The following KIF13A variants were observed in gnomAD, a reference collection of about 807,000 sequenced individuals.
KIF13A encodes the protein kinesin-like protein KIF13A.
KIF13A carries 79 observed loss-of-function variants against 212.2 expected under a neutral mutation model. The observed-to-expected ratio is 0.37, with a 90% CI of 0.31 to 0.45. The LOEUF (loss-of-function observed/expected upper bound fraction) is 0.45. Ranked by LOEUF, KIF13A falls within the 20% of genes least tolerant of loss-of-function variation. The probability of loss-of-function intolerance (pLI) is 1.00; values close to 1 mark genes in which losing one functional copy is unlikely to be tolerated. For synonymous variants in KIF13A, 789 were observed against 808.6 expected (o/e 0.98, Z 0.41); for missense variants, 1,901 against 2,209.0 (o/e 0.86, Z 2.79).
Position 17,886,669 on chromosome 6 carries a change from G to GGA in KIF13A, c.159+11497_159+11498dup, listed in dbSNP as rs1454261372. The stretch of plus-strand genomic sequence containing the variant: ...GAACAAAGTCGGGCAGAAGGAAAGG[G>GGA]GAGAGTAGAACCTGTAGGAATTTCA... On this transcript the variant is annotated intron_variant, in intron 3 of 38. Coordinates refer to ENST00000259711, the MANE Select transcript of KIF13A (RefSeq NM_022113.6). The surrounding 1 kb of genome is among the most constrained non-coding windows in gnomAD (Gnocchi z 5.6). Among the ~76,000 whole-genome samples the GGA allele has an allele frequency of 1.3e-5, 2 of 152,116 alleles. No individual in the cohort carries two copies. The highest frequency in any genetic ancestry group is 4.8e-5 in the African/African-American group (2 of 41,402).
At chr6:17,941,052 T>C (rs1266315261) in intron 2 of KIF13A, among the ~76,000 whole-genome samples, 1 of 152,178 alleles carries the variant, frequency 6.6e-6, no homozygotes, top group East Asian at 1.9e-4. Context: ...CTCGAACTCC[T>C]GACCTCAGGT....
chr6:17,911,023 A>C (rs916743171), intron 2 of KIF13A, among the ~76,000 whole-genome samples: 1 of 152,306 alleles, frequency 6.6e-6, no homozygotes, highest in South Asian at 2.1e-4. Flanking sequence ...TCAGCCTCCC[A>C]AAGTGCTGGG....
intron 4 of KIF13A, among the ~76,000 whole-genome samples, chr6:17,859,636 ATAT>A (rs1382384841): frequency 0.039 from 4,273 of 110,970 alleles, 199 homozygotes; most frequent in African/African-American, 0.14. Flanking sequence ...ATATATATAT[ATAT>A]TTTTTTTTTT....
At chr6:17,803,927 C>T (rs9477529) in intron 20 of KIF13A, among the ~76,000 whole-genome samples, 6,659 of 152,182 alleles carry the variant, frequency 0.044, 498 homozygotes, top group African/African-American at 0.15. Flanking sequence ...CCGAGGCGGG[C>T]GGATCACAAG....
intron 16 of KIF13A, among the ~76,000 whole-genome samples, chr6:17,823,393 T>TTC (rs372974768): frequency 4.7e-4 from 69 of 148,034 alleles, no homozygotes; most frequent in African/African-American, 7.2e-4. Context: ...CTGGCTGTCT[T>TTC]TCTCTCTCTC....
rs59654452 is a variant in KIF13A at position 17,833,497 on chromosome 6, CAA to C, written c.1266+462_1266+463del. On this transcript the variant is annotated intron_variant, in intron 12 of 38. Coordinates refer to ENST00000259711, the MANE Select transcript of KIF13A (RefSeq NM_022113.6). ...GGGTGACAGAGGGAGACCTTGTCTT[CAA>C]AAAAAAAAAAAAAAAAAAAAGTGAT... 5.5e-3 allele frequency among the ~76,000 whole-genome samples: 536 copies of C among 97,930 alleles called. 4 individuals are homozygous for C. Among genetic ancestry groups the C allele is most frequent in the African/African-American group, 0.014 (345 of 23,896 alleles). 64.2% of individuals were successfully genotyped at this position (97,930 alleles called of 152,430 possible).
intron 2 of KIF13A, among the ~76,000 whole-genome samples, chr6:17,908,265 C>T (rs1773707701): frequency 6.6e-6 from 1 of 152,144 alleles, no homozygotes; most frequent in Non-Finnish European, 1.5e-5. Flanking sequence ...AAAAAAATGG[C>T]TTCCTTTCAA....
In KIF13A at chr6:17,919,488, T is replaced by C. The variant is rs760609412; in HGVS notation, c.147-21308A>G. Among the ~76,000 whole-genome samples, 8 of 151,976 alleles carry C rather than the reference T, an allele frequency of 5.3e-5. No individual in the cohort carries two copies. Among genetic ancestry groups the C allele is most frequent in the Non-Finnish European group, 1.0e-4 (7 of 68,028 alleles). ...AAGTTTCACATGGTGCTGAGAATAG[T>C]AATCACTCCTTTTCTCAGAGACTTC... On this transcript the variant is annotated intron_variant, in intron 2 of 38. Transcript: ENST00000259711. The surrounding 1 kb of genome is among the most constrained non-coding windows in gnomAD (Gnocchi z 4.1).
At chr6:17,795,919 G>A (rs550086245) in intron 23 of KIF13A, among the ~76,000 whole-genome samples, 1 of 152,248 alleles carries the variant, frequency 6.6e-6, no homozygotes, top group East Asian at 1.9e-4. Context: ...TTAAGTTGTT[G>A]TATTTAAGGT....
chr6:17,929,404 AT>A (rs35396541), intron 2 of KIF13A, among the ~76,000 whole-genome samples: 31 of 145,216 alleles, frequency 2.1e-4, no homozygotes, highest in Admixed American at 2.7e-4. Context: ...ACTCTCGACT[AT>A]TTTTTTTTTT....
rs764001078 is a variant in KIF13A at position 17,825,742 on chromosome 6, G to C, written c.1786+26C>G. 1.9e-6 allele frequency: 3 copies of C among 1,601,440 alleles called. No individual in the cohort carries two copies. In the South Asian group the frequency reaches 3.4e-5, roughly 18 times the overall value. The stretch of plus-strand genomic sequence containing the variant: ...TGTGAGGTGAGGAAATGCCCAAGGC[G>C]CTGGAACACAGAGTGAGGGTCTTAC... On this transcript the variant is annotated intron_variant, in intron 16 of 38. Coordinates refer to ENST00000259711, the MANE Select transcript of KIF13A (RefSeq NM_022113.6). The surrounding 1 kb of genome is among the most constrained non-coding windows in gnomAD (Gnocchi z 4.5).
In KIF13A at chr6:17,772,029, G is replaced by C; in HGVS notation, c.4355C>G (p.Thr1452Ser). The C allele has an allele frequency of 6.2e-7, 1 of 1,613,932 alleles. No homozygotes were observed. The highest frequency in any genetic ancestry group is 8.5e-7 in the Non-Finnish European group (1 of 1,179,838). ...AGAGAATGCTTTAAAAGGGCTGACG[G>C]TTAAGGCATGAGGAGTCTCTGATGT... ...GCTSETPHAL[T>S]VSPFKAFSPQ... The change falls in exon 37 of 39, where the codon ACC becomes AGC. Residue 1452 changes from threonine (T) to serine (S), a missense_variant. Physicochemically the swap from Thr to Ser is moderately conservative, Grantham distance 58. Around this residue, in one of 5 missense-constraint regions of KIF13A, gnomAD observed 687 missense variants for 759.1 expected, o/e 0.90. Transcript: ENST00000259711. This position sits in a 1 kb window ranked among gnomAD's most constrained non-coding sequence, Gnocchi z 4.8.
intron 17 of KIF13A, chr6:17,815,636 A>C (rs144174730): frequency 2.3e-6 from 1 of 439,130 alleles, no homozygotes; most frequent in East Asian, 7.0e-5. Flanking sequence ...CCCAGGTGAT[A>C]ACTGTAGAAC....
chr6:17,837,315 A>G lies in KIF13A; in HGVS notation c.942+157T>C, dbSNP rs1038448335. ...ACAGCATTCAAATGGAATAAAAAGGAGTAGAAAATAGTTTTCATTCTGTGT... is the reference window on the plus strand; with the variant it reads ...ACAGCATTCAAATGGAATAAAAAGGGGTAGAAAATAGTTTTCATTCTGTGT... On this transcript the variant is annotated intron_variant, in intron 10 of 38. Coordinates refer to ENST00000259711, the MANE Select transcript of KIF13A (RefSeq NM_022113.6). The surrounding 1 kb of genome is among the most constrained non-coding windows in gnomAD (Gnocchi z 5.4). Among the ~76,000 whole-genome samples the G allele has an allele frequency of 1.3e-5, 2 of 152,200 alleles. No homozygotes were observed. Among genetic ancestry groups the G allele is most frequent in the African/African-American group, 2.4e-5 (1 of 41,442 alleles).
chr6:17,966,490 T>C (rs1028555409), intron 2 of KIF13A, among the ~76,000 whole-genome samples: 9 of 136,592 alleles, frequency 6.6e-5, no homozygotes, highest in African/African-American at 2.2e-4. Context: ...CTTTCAAAAG[T>C]TCTGAAAAAA....
At chr6:17,808,147 G>A (rs1763134876) in intron 18 of KIF13A, among the ~76,000 whole-genome samples, 1 of 152,198 alleles carries the variant, frequency 6.6e-6, no homozygotes, top group African/African-American at 2.4e-5. Flanking sequence ...AGCACTCTGG[G>A]AGACTGAGCG....
At chr6:17,796,238 G>C (rs1340736486) in intron 23 of KIF13A, among the ~76,000 whole-genome samples, 3 of 142,214 alleles carry the variant, frequency 2.1e-5, no homozygotes, top group Non-Finnish European at 4.5e-5. Context: ...GTCTCACTCT[G>C]TTGCCCAGGC....
At position 17,915,950 on chromosome 6, in the gene KIF13A, AAAAT is replaced by A. The variant is rs1561757723; in HGVS notation, c.147-17774_147-17771del. 1.2e-3 allele frequency among the ~76,000 whole-genome samples: 156 copies of A among 132,214 alleles called. No individual in the cohort carries two copies. The highest frequency in any genetic ancestry group is 2.9e-3 in the Admixed American group (41 of 14,044). The allele number at this position is 132,214 out of a possible 152,430, so 86.7% of individuals were successfully genotyped here. A position where few individuals can be genotyped will look rare whatever the true frequency, so the allele number is the denominator to read the frequency against. On this transcript the variant is annotated intron_variant, in intron 2 of 38. Transcript: ENST00000259711. This position sits in a 1 kb window ranked among gnomAD's most constrained non-coding sequence, Gnocchi z 4.4. ...AGAGCCAGTCTCAAAAAAAAAAATA[AAAAT>A]AAAAATAAAATAAAATAAAATAAAT... is the stretch of plus-strand genomic sequence containing the variant.
intron 2 of KIF13A, among the ~76,000 whole-genome samples, chr6:17,909,306 C>T (rs548616190): frequency 1.6e-4 from 25 of 152,178 alleles, no homozygotes; most frequent in Admixed American, 1.4e-3. Context: ...GAGGCCGAGG[C>T]GGGTGGATCA....
Sources: gnomAD v4.1 joint callset for allele counts (sites outside exome capture counted in the v4.1 genomes callset) on GRCh38, gnomAD v4.1.1 for gene constraint, gnomAD v4.1.1 regional missense constraint, Gnocchi (gnomAD v3.1) non-coding constraint, MANE v1.5 for transcripts, NCBI Gene and HGNC (gene_info 2026-07-23, HGNC 2026-07-21) for gene names.